Variants in HAGH observed in about 807,000 individuals in gnomAD.
HAGH encodes hydroxyacylglutathione hydrolase, also known as hydroxyacylglutathione hydrolase, mitochondrial.
In HAGH, 29 loss-of-function variants were observed where a neutral mutation model predicts 35.1. The ratio of observed to expected loss-of-function variants is 0.83; its 90% CI spans 0.62 to 1.13. The LOEUF (loss-of-function observed/expected upper bound fraction) is 1.13, where lower values mean the gene tolerates loss of function less well. HAGH is among the 50% of genes most tolerant of loss of function. The pLI, the probability that HAGH is intolerant of heterozygous loss-of-function variation, is 0.00. For missense variants in HAGH, 478 were observed against 419.6 expected (o/e 1.14, Z -1.22); for synonymous variants, 225 against 176.1 (o/e 1.28, Z -2.20).
intron 1 of HAGH, among the ~76,000 whole-genome samples, chr16:1,823,249 T>C (rs910760300): frequency 2.7e-5 from 4 of 150,652 alleles, no homozygotes; most frequent in Non-Finnish European, 4.4e-5. Flanking sequence ...CTGGGCAACA[T>C]AGCAAGACCT....
Position 1,809,111 on chromosome 16 carries a change from A to G in HAGH, c.*172T>C. On this transcript the variant is annotated 3_prime_UTR_variant, in exon 9 of 9. Transcript: ENST00000397356. Reference sequence around the variant, plus strand: ...CAGTCTGCAAGGGGAAGTTATGGGAATAAATACTTGTTAAACTTCTCTTAT... The same window carrying G: ...CAGTCTGCAAGGGGAAGTTATGGGAGTAAATACTTGTTAAACTTCTCTTAT... 1.7e-6 allele frequency: 1 copy of G among 593,940 alleles called. No individual in the cohort carries two copies. The highest frequency in any genetic ancestry group is 3.0e-6 in the Non-Finnish European group (1 of 331,454). 36.8% of individuals were successfully genotyped at this position (593,940 alleles called of 1,614,324 possible).
At chr16:1,827,073 C>T, upstream of HAGH, 1 of 1,043,842 alleles carries the variant, frequency 9.6e-7, no homozygotes, top group Non-Finnish European at 1.4e-6. Flanking sequence ...ACAGTGGATC[C>T]CTGGAGGCCG....
At position 1,817,240 on chromosome 16, in the gene HAGH, C is replaced by T; in HGVS notation, c.573G>A (p.Lys191=). The T allele has an allele frequency of 1.2e-6, 2 of 1,613,480 alleles. No individual in the cohort carries two copies. The highest frequency in any genetic ancestry group is 1.3e-5 in the African/African-American group (1 of 75,030). ...TCTCATCCGCAGTCCCTTCATAGAACTTCCCGCAGCCAGCCACAAACAAGG... is the reference window on the plus strand; with the variant it reads ...TCTCATCCGCAGTCCCTTCATAGAATTTCCCGCAGCCAGCCACAAACAAGG... ...GDTLFVAGCG[K]FYEGTADEMC... is the part of the protein sequence containing the mutation. Residue 191 remains lysine, a synonymous_variant, in exon 6 of 9, where the codon AAG becomes AAA. Coordinates refer to ENST00000397356, the MANE Select transcript of HAGH (RefSeq NM_005326.6).
Sources: allele counts gnomAD v4.1 joint callset (sites outside exome capture counted in the v4.1 genomes callset), GRCh38; gene constraint gnomAD v4.1.1; transcripts MANE v1.5; gene names NCBI Gene and HGNC (gene_info 2026-07-23, HGNC 2026-07-21).